Variants in UBE2V2 observed in about 807,000 individuals in gnomAD.
The protein encoded by UBE2V2 is ubiquitin-conjugating enzyme E2 variant 2.
In UBE2V2, 9 loss-of-function variants were observed where a neutral mutation model predicts 17.2. The observed-to-expected ratio is 0.52, with a 90% CI of 0.32 to 0.91. UBE2V2 has a LOEUF of 0.91. UBE2V2 is among the 40% of genes least tolerant of loss of function. The probability of loss-of-function intolerance (pLI) is 0.04; values close to 1 mark genes in which losing one functional copy is unlikely to be tolerated. For missense variants in UBE2V2, 133 were observed against 182.6 expected (o/e 0.73, Z 1.56); for synonymous variants, 61 against 57.5 (o/e 1.06, Z -0.28).
chr8:48,003,612 C>T (rs2091166066), upstream of UBE2V2, among the ~76,000 whole-genome samples: 1 of 152,064 alleles, frequency 6.6e-6, no homozygotes, highest in African/African-American at 2.4e-5. Flanking sequence ...ATTGAGGCCC[C>T]ACAACTCTGA....
At chr8:48,008,563 G>A in intron 1 of UBE2V2, 93 bp downstream of exon 1, 1 of 1,477,424 alleles carries the variant, frequency 6.8e-7, no homozygotes, top group Non-Finnish European at 9.0e-7. Flanking sequence ...CCGTGCGGGA[G>A]AAGCCCGAGT....
intron 3 of UBE2V2, among the ~76,000 whole-genome samples, chr8:48,055,479 G>A (rs1270369576): frequency 6.6e-6 from 1 of 152,006 alleles, no homozygotes; most frequent in Non-Finnish European, 1.5e-5. Context: ...GGGATTACAA[G>A]TGTGAGCCAT....
chr8:48,015,071 A>T (rs1329562962), intron 1 of UBE2V2, among the ~76,000 whole-genome samples: 3 of 149,168 alleles, frequency 2.0e-5, no homozygotes, highest in Non-Finnish European at 3.0e-5. Flanking sequence ...AAAAAAAAAA[A>T]TAAGGCTTGT....
At chr8:48,009,017 G>A (rs866176419) in intron 1 of UBE2V2, among the ~76,000 whole-genome samples, 1 of 152,124 alleles carries the variant, frequency 6.6e-6, no homozygotes, top group African/African-American at 2.4e-5. Flanking sequence ...TATTATTTAT[G>A]AGGAAAACTG....
chr8:48,012,829 C>A (rs2154506683), intron 1 of UBE2V2, among the ~76,000 whole-genome samples: 1 of 152,242 alleles, frequency 6.6e-6, no homozygotes, highest in South Asian at 2.1e-4. Flanking sequence ...ACCTCACATT[C>A]AGTTTTCCCT....
At chr8:48,054,256 G>C (rs1438291902) in intron 3 of UBE2V2, among the ~76,000 whole-genome samples, 1 of 152,180 alleles carries the variant, frequency 6.6e-6, no homozygotes, top group African/African-American at 2.4e-5. Flanking sequence ...ACCTTGAGTA[G>C]TGCTGCTCTC....
At chr8:48,053,486 C>T (rs1393222146) in intron 3 of UBE2V2, among the ~76,000 whole-genome samples, 10 of 147,784 alleles carry the variant, frequency 6.8e-5, no homozygotes, top group South Asian at 2.2e-4. Flanking sequence ...TGCAGTCACG[C>T]GATCTTGGCT....
At position 48,034,510 on chromosome 8, in the gene UBE2V2, A is replaced by G. The variant is rs1405582704; in HGVS notation, c.17-8523A>G. ...TCTTTGGATCCATACTGATGTATAC[A>G]TGAGAGTTTTTTTTAGAATTATGAT... On this transcript the variant is annotated intron_variant, in intron 1 of 3. Transcript: ENST00000523111. Among the ~76,000 whole-genome samples, 7 of 152,094 alleles carry G rather than the reference A, an allele frequency of 4.6e-5. No homozygotes were observed. The South Asian group carries it at 6.2e-4, about 13-fold the overall frequency.
chr8:48,003,503 G>A (rs2091165446), upstream of UBE2V2, among the ~76,000 whole-genome samples: 1 of 152,118 alleles, frequency 6.6e-6, no homozygotes, highest in South Asian at 2.1e-4. Flanking sequence ...TGTTCCCAGG[G>A]CGCATAATGG....
chr8:48,000,665 CA>C, the UBE2V2 span, among the ~76,000 whole-genome samples: 2 of 151,314 alleles, frequency 1.3e-5, no homozygotes, highest in Admixed American at 1.3e-4. Context: ...ACTAAAAATA[CA>C]AAAAAATTAG....
Position 48,031,924 on chromosome 8 carries a change from G to A in UBE2V2, c.17-11109G>A, listed in dbSNP as rs181903199. Among the ~76,000 whole-genome samples, 11 of 152,270 alleles carry A rather than the reference G, an allele frequency of 7.2e-5. No individual in the cohort carries two copies. In the East Asian group the frequency reaches 1.9e-3, roughly 27 times the overall value. ...GCCTCCCAAAGTGCTGGGATTGCAG[G>A]TGTGAGTAAATTTTGTTTTTATAAA... On this transcript the variant is annotated intron_variant, in intron 1 of 3. Transcript: ENST00000523111.
rs1355116668 is a variant in UBE2V2 at position 48,060,865 on chromosome 8, C to T, written c.*37C>T. The T allele has an allele frequency of 1.4e-6, 2 of 1,455,236 alleles. No individual in the cohort carries two copies. The highest frequency in any genetic ancestry group is 1.8e-6 in the Non-Finnish European group (2 of 1,099,514). The allele number at this position is 1,455,236 out of a possible 1,614,324, so 90.1% of individuals were successfully genotyped here. On this transcript the variant is annotated 3_prime_UTR_variant, in exon 4 of 4. Transcript: ENST00000523111. ...CTCAAACTTGTCTTAAATCAACAACCTTCTACTCATGTTAATGTCTTGATT... is the reference window on the plus strand; with the variant it reads ...CTCAAACTTGTCTTAAATCAACAACTTTCTACTCATGTTAATGTCTTGATT...
chr8:48,044,010 C>CT (rs752660301), intron 2 of UBE2V2, among the ~76,000 whole-genome samples: 4 of 151,184 alleles, frequency 2.6e-5, no homozygotes, highest in East Asian at 1.9e-4. Context: ...ATTTGTCTCT[C>CT]TAATGTTTTT....
chr8:47,999,050 A>G, the UBE2V2 span, among the ~76,000 whole-genome samples: 1 of 152,080 alleles, frequency 6.6e-6, no homozygotes, highest in Non-Finnish European at 1.5e-5. Context: ...ATGCGGTCTG[A>G]GTGGTTTGTA....
intron 1 of UBE2V2, among the ~76,000 whole-genome samples, chr8:48,017,194 T>C (rs756932868): frequency 7.2e-5 from 11 of 152,184 alleles, no homozygotes; most frequent in Admixed American, 2.0e-4. Context: ...GTTGAGAATT[T>C]TTTTCATATA....
upstream of UBE2V2, among the ~76,000 whole-genome samples, chr8:48,003,626 T>C (rs1360383415): frequency 3.3e-5 from 5 of 152,016 alleles, no homozygotes; most frequent in African/African-American, 1.2e-4. Flanking sequence ...ACTCTGAGGG[T>C]TAAAAAGTCA....
chr8:48,043,195 A>G lies in UBE2V2; in HGVS notation c.165+14A>G, dbSNP rs978907514. On this transcript the variant is annotated intron_variant, in intron 2 of 3. Coordinates refer to ENST00000523111, the MANE Select transcript of UBE2V2 (RefSeq NM_003350.3). ...GGGCCACCAAGGGTCAGTGTTATAAATTATATTTTTTCTATTAATACTTAT... is the reference window on the plus strand; with the variant it reads ...GGGCCACCAAGGGTCAGTGTTATAAGTTATATTTTTTCTATTAATACTTAT... 2 of 1,446,606 alleles carry G rather than the reference A, an allele frequency of 1.4e-6. No homozygotes were observed. Among genetic ancestry groups the G allele is most frequent in the Non-Finnish European group, 9.1e-7 (1 of 1,092,980 alleles). 89.6% of individuals were successfully genotyped at this position (1,446,606 alleles called of 1,614,324 possible).
chr8:48,061,371 A>T lies in UBE2V2; in HGVS notation c.*543A>T, dbSNP rs1360114275. ...ATTTATAATAAAAAATGTTGGGGGG[A>T]GTTGATGAATTCCTGTTAAAAGCTG... On this transcript the variant is annotated 3_prime_UTR_variant, in exon 4 of 4. Transcript: ENST00000523111. 1 of 152,544 alleles carries T rather than the reference A, an allele frequency of 6.6e-6. No individual in the cohort carries two copies. Among genetic ancestry groups the T allele is most frequent in the Non-Finnish European group, 1.5e-5 (1 of 68,026 alleles). The allele number at this position is 152,544 out of a possible 1,614,324, so 9.4% of individuals were successfully genotyped here.
chr8:48,046,965 A>T (rs1031602052), intron 2 of UBE2V2, among the ~76,000 whole-genome samples: 2 of 130,612 alleles, frequency 1.5e-5, no homozygotes, highest in African/African-American at 2.9e-5. Context: ...TTTGAGATGG[A>T]GCTTTGCTCT....
Sources: gnomAD v4.1 joint callset for allele counts (sites outside exome capture counted in the v4.1 genomes callset) on GRCh38, gnomAD v4.1.1 for gene constraint, MANE v1.5 for transcripts, NCBI Gene and HGNC (gene_info 2026-07-23, HGNC 2026-07-21) for gene names.